Variants in PPEF1 observed in about 807,000 individuals in gnomAD.
The protein encoded by PPEF1 is serine/threonine-protein phosphatase with EF-hands 1.
In PPEF1, 12 loss-of-function variants were observed where a neutral mutation model predicts 53.3. The ratio of observed to expected loss-of-function variants is 0.23; its 90% confidence interval spans 0.14 to 0.36. The LOEUF is 0.36. PPEF1 is among the 10% of genes least tolerant of loss of function. PPEF1 has a pLI of 1.00. For synonymous variants in PPEF1, 165 were observed against 176.7 expected (o/e 0.93, Z 0.52); for missense variants, 334 against 490.4 (o/e 0.68, Z 3.01).
chrX:18,816,001 A>T (rs1299542848), intron 12 of PPEF1, among the ~76,000 whole-genome samples: 1 of 109,547 alleles, frequency 9.1e-6, no homozygotes, highest in Admixed American at 9.9e-5. Context: ...CCCAGGTTCA[A>T]GTGATTCTCC....
chrX:18,756,755 C>A (rs1474163086), intron 4 of PPEF1, among the ~76,000 whole-genome samples: 2 of 112,511 alleles, frequency 1.8e-5, no homozygotes, highest in Non-Finnish European at 3.8e-5. Flanking sequence ...TAATAATTTT[C>A]TGTTGTTGCA....
At chrX:18,759,389 T>G (rs2147499802) in intron 5 of PPEF1, among the ~76,000 whole-genome samples, 1 of 111,702 alleles carries the variant, frequency 9.0e-6, no homozygotes, top group African/African-American at 3.2e-5. Context: ...TGATGAAAAT[T>G]TGCTATTATT....
At chrX:18,704,349 C>G (rs140872340), upstream of PPEF1, among the ~76,000 whole-genome samples, 54 of 111,708 alleles carry the variant, frequency 4.8e-4, no homozygotes, top group East Asian at 0.014. Flanking sequence ...GGATTCCTTG[C>G]ATCAAAGTTC....
At chrX:18,801,205 T>A (rs1030331321) in intron 10 of PPEF1, among the ~76,000 whole-genome samples, 2 of 111,865 alleles carry the variant, frequency 1.8e-5, no homozygotes, top group African/African-American at 6.5e-5. Flanking sequence ...TGGTTTTAAC[T>A]GTCACTTCAA....
intron 10 of PPEF1, among the ~76,000 whole-genome samples, chrX:18,798,103 CAG>C (rs1305165257): frequency 3.6e-5 from 4 of 110,239 alleles, no homozygotes; most frequent in Non-Finnish European, 7.6e-5. Context: ...TTGTTTGAGA[CAG>C]AGTCTCACTC....
At chrX:18,766,875 C>T (rs2045784847) in intron 6 of PPEF1, among the ~76,000 whole-genome samples, 1 of 97,914 alleles carries the variant, frequency 1.0e-5, no homozygotes, top group Non-Finnish European at 2.1e-5. Context: ...ATGGTGGAAC[C>T]CCATTCTCTA....
intron 4 of PPEF1, among the ~76,000 whole-genome samples, chrX:18,694,775 A>G (rs1338012042): frequency 9.0e-6 from 1 of 111,606 alleles, no homozygotes; most frequent in Non-Finnish European, 1.9e-5. Context: ...ATAGACATAT[A>G]GTGGTATCTC....
chrX:18,788,794 G>A (rs1207912844), intron 9 of PPEF1, among the ~76,000 whole-genome samples: 1 of 112,244 alleles, frequency 8.9e-6, no homozygotes, highest in Non-Finnish European at 1.9e-5. Context: ...AAGGAGACTC[G>A]TTGCCCCTAC....
intron 8 of PPEF1, among the ~76,000 whole-genome samples, chrX:18,782,884 C>A (rs5909084): frequency 2.4e-4 from 26 of 107,908 alleles, no homozygotes; most frequent in African/African-American, 8.4e-4. Flanking sequence ...AGGCTGAGGC[C>A]GGTGGATCAC....
At chrX:18,787,521 A>G (rs757178641) in intron 9 of PPEF1, among the ~76,000 whole-genome samples, 2 of 111,165 alleles carry the variant, frequency 1.8e-5, no homozygotes, top group Non-Finnish European at 3.8e-5. Flanking sequence ...GTAGTGCCTT[A>G]GGGAGAGCTG....
At chrX:18,722,808 T>A (rs1245347831) in intron 1 of PPEF1, among the ~76,000 whole-genome samples, 1 of 109,713 alleles carries the variant, frequency 9.1e-6, no homozygotes, top group Non-Finnish European at 1.9e-5. Flanking sequence ...AGGAAGGAGA[T>A]AGGCGATGAG....
At chrX:18,806,160 T>G (rs1389124860) in intron 11 of PPEF1, among the ~76,000 whole-genome samples, 6 of 111,519 alleles carry the variant, frequency 5.4e-5, no homozygotes, top group Non-Finnish European at 3.8e-5. Context: ...TACCCGAGAA[T>G]GCAGGGCCAT....
chrX:18,689,731 G>C (rs1038416520), intron 3 of PPEF1, among the ~76,000 whole-genome samples: 4 of 109,877 alleles, frequency 3.6e-5, no homozygotes, highest in Non-Finnish European at 5.7e-5. Flanking sequence ...CTGTTTTAGA[G>C]TTTTACGCAA....
intron 3 of PPEF1, among the ~76,000 whole-genome samples, chrX:18,737,931 G>C (rs1461696519): frequency 9.0e-6 from 1 of 111,084 alleles, no homozygotes; most frequent in Non-Finnish European, 1.9e-5. Context: ...TTTTATCAGA[G>C]ACTAGGATTG....
At chrX:18,782,277 A>G (rs2046101927) in intron 7 of PPEF1, 89 bp from the exon 8 acceptor site, 16 of 730,263 alleles carry the variant, frequency 2.2e-5, no homozygotes, top group Non-Finnish European at 4.2e-6. Context: ...TGTGATAGAT[A>G]CTGAGATGCC....
rs772504821 is a variant in PPEF1, at chrX:18,827,305, A to G, written c.1780A>G (p.Met594Val). 1.7e-6 allele frequency: 2 copies of G among 1,209,704 alleles called. No homozygotes were observed. Among genetic ancestry groups the G allele is most frequent in the Non-Finnish European group, 2.2e-6 (2 of 893,723 alleles). ...GLISVEEFRA[M>V]WKLFSSHYNV... ...GATCTCCGTGGAAGAATTTCGTGCCATGTGGAAACTTTTTAGTTCTCACTA... is the reference window on the plus strand; with the variant it reads ...GATCTCCGTGGAAGAATTTCGTGCCGTGTGGAAACTTTTTAGTTCTCACTA... The change falls in exon 16 of 16, where the codon ATG (methionine) becomes GTG (valine). Residue 594 changes from methionine to valine, a missense_variant. Transcript: ENST00000470157.
intron 1 of PPEF1, among the ~76,000 whole-genome samples, chrX:18,725,012 G>A (rs2044674044): frequency 9.0e-6 from 1 of 110,890 alleles, no homozygotes; most frequent in South Asian, 3.8e-4. Flanking sequence ...TATGCCCAAG[G>A]GACAACAGCA....
At chrX:18,804,118 C>T in intron 11 of PPEF1, 41 bp downstream of exon 11, 1 of 1,090,632 alleles carries the variant, frequency 9.2e-7, no homozygotes, top group Non-Finnish European at 1.3e-6. Flanking sequence ...AAACATCCTT[C>T]CCCTAAGCAC....
At chrX:18,739,578 G>A (rs767443805) in intron 3 of PPEF1, among the ~76,000 whole-genome samples, 32 of 112,099 alleles carry the variant, frequency 2.9e-4, no homozygotes, top group Non-Finnish European at 5.5e-4. Flanking sequence ...GCTACTCGGG[G>A]GTCAGGGACC....
Sources: allele counts gnomAD v4.1 joint callset (sites outside exome capture counted in the v4.1 genomes callset), GRCh38; gene constraint gnomAD v4.1.1; transcripts MANE v1.5; gene names NCBI Gene and HGNC (gene_info 2026-07-23, HGNC 2026-07-21).